Variants in ART1 observed in about 807,000 individuals in gnomAD.
The protein encoded by ART1 is GPI-linked NAD(P)(+)--arginine ADP-ribosyltransferase 1.
In ART1, 29 loss-of-function variants were observed where a neutral mutation model predicts 27.0. The observed-to-expected ratio is 1.08, with a 90% CI of 0.80 to 1.47. The LOEUF (loss-of-function observed/expected upper bound fraction) is 1.47. Among genes scored for constraint, ART1 ranks in the 40% most tolerant of loss-of-function variants. The probability of loss-of-function intolerance (pLI) is 0.00; values close to 1 mark genes in which losing one functional copy is unlikely to be tolerated. For synonymous variants in ART1, 201 were observed against 172.2 expected (o/e 1.17, Z -1.31); for missense variants, 480 against 423.0 (o/e 1.13, Z -1.18).
chr11:3,653,671 C>A (rs113393178), intron 1 of ART1, among the ~76,000 whole-genome samples: 11,447 of 152,048 alleles, frequency 0.075, 905 homozygotes, highest in African/African-American at 0.2. Context: ...AAATCTACTC[C>A]GCTTCTCCTC....
At chr11:3,662,070 C>T (rs892579480) in intron 4 of ART1, among the ~76,000 whole-genome samples, 3 of 152,234 alleles carry the variant, frequency 2.0e-5, no homozygotes, top group African/African-American at 7.2e-5. Flanking sequence ...CCTTCTCTGC[C>T]TCCCAGTGCA....
chr11:3,661,490 CT>C (rs530856927), intron 4 of ART1, 77 bp downstream of exon 4: 47,029 of 317,686 alleles, frequency 0.15, 578 homozygotes, highest in Middle Eastern at 0.18. Flanking sequence ...TCACCTCGAT[CT>C]TTTTTTTTTT....
intron 1 of ART1, among the ~76,000 whole-genome samples, chr11:3,649,856 G>A (rs2077504734): frequency 6.6e-6 from 1 of 152,134 alleles, no homozygotes; most frequent in African/African-American, 2.4e-5. Flanking sequence ...CCCAGTTCAT[G>A]GCTCGTTCGG....
chr11:3,658,648 A>G (rs1565043837), intron 1 of ART1, among the ~76,000 whole-genome samples: 2 of 152,098 alleles, frequency 1.3e-5, no homozygotes, highest in Non-Finnish European at 2.9e-5. Context: ...GCCCTGCTCT[A>G]AGTCTGTCCC....
intron 3 of ART1, 74 bp downstream of exon 3, chr11:3,660,437 C>T (rs969308551): frequency 1.9e-5 from 29 of 1,500,314 alleles, no homozygotes; most frequent in Middle Eastern, 2.2e-4. Context: ...TTTGGCAAAC[C>T]GAAGCCCCTA....
chr11:3,656,124 G>T (rs1244099184), intron 1 of ART1, among the ~76,000 whole-genome samples: 2 of 151,784 alleles, frequency 1.3e-5, no homozygotes, highest in Admixed American at 6.6e-5. Context: ...AGTAGAGATG[G>T]GGTTTCACCA....
rs774993469 is a variant in ART1 at position 3,660,036 on chromosome 11, C to T, written c.517C>T (p.Arg173Trp). Residue 173 changes from arginine (R) to tryptophan (W), a missense_variant, in exon 3 of 5, where the codon CGG (arginine) becomes TGG (tryptophan). Physicochemically the swap from Arg to Trp is moderately radical, Grantham distance 101. Coordinates refer to ENST00000250693, the MANE Select transcript of ART1 (RefSeq NM_004314.3). The part of the protein sequence containing the change: ...QLLGSGQRPP[R>W]CHQVFRGVHG... The stretch of plus-strand genomic sequence containing the variant: ...CCTGGGCAGCGGCCAGCGTCCACCC[C>T]GGTGCCACCAGGTGTTCCGAGGTGT... The T allele has an allele frequency of 2.3e-5, 37 of 1,613,652 alleles. 1 individual carries two copies. Among genetic ancestry groups the T allele is most frequent in the South Asian group, 1.6e-4 (15 of 91,072 alleles).
chr11:3,660,553 T>G (rs1488879057), intron 3 of ART1, among the ~76,000 whole-genome samples, 190 bp downstream of exon 3: 6 of 152,228 alleles, frequency 3.9e-5, no homozygotes, highest in Non-Finnish European at 7.3e-5. Flanking sequence ...TTACTGCCCC[T>G]GAAGGGATCT....
rs909412200 is a variant in ART1 at position 3,664,372 on chromosome 11, C to G, written c.*183C>G. On this transcript the variant is annotated 3_prime_UTR_variant, in exon 5 of 5. Coordinates refer to ENST00000250693, the MANE Select transcript of ART1 (RefSeq NM_004314.3). The stretch of plus-strand genomic sequence containing the variant: ...GAGACAATCTGGGGACTGAACCTTA[C>G]CCAGGGCTGTAGGAGTGAGACTCTG... 2 of 604,184 alleles carry G rather than the reference C, an allele frequency of 3.3e-6. No individual in the cohort carries two copies. Among genetic ancestry groups the G allele is most frequent in the Non-Finnish European group, 5.8e-6 (2 of 343,628 alleles). 37.4% of individuals were successfully genotyped at this position (604,184 alleles called of 1,614,324 possible).
At chr11:3,650,417 TC>T (rs2077511050) in intron 1 of ART1, among the ~76,000 whole-genome samples, 2 of 152,186 alleles carry the variant, frequency 1.3e-5, no homozygotes, top group South Asian at 4.1e-4. Context: ...AGACTGACAT[TC>T]CCCGATTGCC....
chr11:3,661,342 CT>C, intron 3 of ART1, 29 bp from the exon 4 acceptor site: 1 of 1,605,548 alleles, frequency 6.2e-7, no homozygotes. Flanking sequence ...GCTCCTGAGC[CT>C]TTCATTCTTT....
intron 1 of ART1, among the ~76,000 whole-genome samples, chr11:3,658,628 G>T (rs1452285314): frequency 6.6e-6 from 1 of 152,134 alleles, no homozygotes; most frequent in Non-Finnish European, 1.5e-5. Context: ...GGGGGCAACT[G>T]GTGGACCAAG....
rs1208530886 is a variant in ART1, at chr11:3,664,132, G to A, written c.927G>A (p.Leu309=). The change falls in exon 5 of 5, where the codon CTG becomes CTA. Residue 309 remains leucine, a synonymous_variant. Coordinates refer to ENST00000250693, the MANE Select transcript of ART1 (RefSeq NM_004314.3). Reference sequence around the variant, plus strand: ...CCCTCTCTGCAGTCTGGTCTTTGCTGCTGCTGCTCTGGTTCCTCGTGGTGA... The same window carrying A: ...CCCTCTCTGCAGTCTGGTCTTTGCTACTGCTGCTCTGGTTCCTCGTGGTGA... ...QSPLSAVWSL[L]LLLWFLVVRA... The A allele has an allele frequency of 1.9e-6, 3 of 1,614,024 alleles. No homozygotes were observed. Among genetic ancestry groups the A allele is most frequent in the Non-Finnish European group, 2.5e-6 (3 of 1,180,024 alleles).
Position 3,661,355 on chromosome 11 carries a change from CTGTT to C in ART1, c.845-15_845-12del. On this transcript the variant is annotated splice_polypyrimidine_tract_variant and intron_variant, in intron 3 of 4. Coordinates refer to ENST00000250693, the MANE Select transcript of ART1 (RefSeq NM_004314.3). Reference sequence around the variant, plus strand: ...CAGCTCCTGAGCCTTTCATTCTTTACTGTTTCTTTTCTATAGACAAGAAGTGCAA... The same window carrying C: ...CAGCTCCTGAGCCTTTCATTCTTTACTCTTTTCTATAGACAAGAAGTGCAA... 8.1e-6 allele frequency: 13 copies of C among 1,610,210 alleles called. No homozygotes were observed. The highest frequency in any genetic ancestry group is 1.1e-5 in the Non-Finnish European group (13 of 1,178,966).
intron 4 of ART1, among the ~76,000 whole-genome samples, chr11:3,661,968 C>A (rs1208688901): frequency 6.6e-6 from 1 of 152,336 alleles, no homozygotes; most frequent in African/African-American, 2.4e-5. Context: ...CTATCCCTTG[C>A]AGGAAAAGGC....
intron 1 of ART1, among the ~76,000 whole-genome samples, chr11:3,653,406 G>A (rs1026287989): frequency 6.8e-6 from 1 of 147,940 alleles, no homozygotes; most frequent in Non-Finnish European, 1.5e-5. Flanking sequence ...GCTCATCCTG[G>A]CTCAAAAGCT....
chr11:3,658,587 A>G (rs1004739273), intron 1 of ART1, among the ~76,000 whole-genome samples: 1 of 152,038 alleles, frequency 6.6e-6, no homozygotes, highest in Admixed American at 6.6e-5. Flanking sequence ...GAAGCACCGA[A>G]GGCTCATTCC....
intron 2 of ART1, 80 bp downstream of exon 2, chr11:3,659,356 A>C: frequency 6.3e-7 from 1 of 1,588,784 alleles, no homozygotes; most frequent in Non-Finnish European, 8.6e-7. Context: ...GGAGAAAGAG[A>C]GAGAGGAAAG....
chr11:3,661,261 A>G, intron 3 of ART1, 111 bp from the exon 4 acceptor site: 1 of 970,756 alleles, frequency 1.0e-6, no homozygotes, highest in Admixed American at 2.7e-5. Context: ...TTAGGGGGAA[A>G]TGCACCAACT....
Sources: allele counts gnomAD v4.1 joint callset (sites outside exome capture counted in the v4.1 genomes callset), GRCh38; gene constraint gnomAD v4.1.1; transcripts MANE v1.5; gene names NCBI Gene and HGNC (gene_info 2026-07-23, HGNC 2026-07-21).